Variants in MFSD2B observed in about 807,000 individuals in gnomAD.
MFSD2B encodes the protein MFSD2 lysolipid transporter B, sphingolipid.
In MFSD2B, 56 loss-of-function variants were observed where a neutral mutation model predicts 58.4. That is an observed-to-expected ratio of 0.96 (90% CI 0.77 to 1.20). The LOEUF is 1.20. MFSD2B is among the 50% of genes most tolerant of loss of function. MFSD2B has a pLI of 0.00. For missense variants in MFSD2B, 645 were observed against 667.6 expected, an observed-to-expected ratio of 0.97 and a Z score of 0.37; for synonymous variants, 287 against 294.4, an observed-to-expected ratio of 0.97 and a Z score of 0.26.
At chr2:24,015,027 G>T (rs1179231864) in intron 2 of MFSD2B, among the ~76,000 whole-genome samples, 1 of 152,160 alleles carries the variant, frequency 6.6e-6, no homozygotes, top group Non-Finnish European at 1.5e-5. Flanking sequence ...GCTGAGGCAG[G>T]ATAATTGCTT....
Position 24,025,744 on chromosome 2 carries a change from G to A in MFSD2B, c.*288G>A, listed in dbSNP as rs2150943923. On this transcript the variant is annotated 3_prime_UTR_variant, in exon 14 of 14. Coordinates refer to ENST00000338315, the MANE Select transcript of MFSD2B (RefSeq NM_001346880.2). ...AAGCTCCTGCCCAACCTGGCTTGTG[G>A]ACCAGTAATATCTGTGGCCTACCAC... 1 of 415,334 alleles carries A rather than the reference G, an allele frequency of 2.4e-6. No homozygotes were observed. The highest frequency in any genetic ancestry group is 4.3e-6 in the Non-Finnish European group (1 of 230,328). 25.7% of individuals were successfully genotyped at this position (415,334 alleles called of 1,614,324 possible). A position where few individuals can be genotyped will look rare whatever the true frequency, so the allele number is the denominator to read the frequency against.
At chr2:24,019,953 C>T (rs1286593891) in intron 6 of MFSD2B, among the ~76,000 whole-genome samples, 1 of 152,212 alleles carries the variant, frequency 6.6e-6, no homozygotes, top group Non-Finnish European at 1.5e-5. Context: ...ATCTGCGCCC[C>T]CATTCAGGCC....
Position 24,023,401 on chromosome 2 carries a change from C to CG in MFSD2B, c.1169+168dup. 1 of 860,882 alleles carries CG rather than the reference C, an allele frequency of 1.2e-6. No individual in the cohort carries two copies. The highest frequency in any genetic ancestry group is 1.8e-6 in the Non-Finnish European group (1 of 555,900). 53.3% of individuals were successfully genotyped at this position (860,882 alleles called of 1,614,324 possible). A position where few individuals can be genotyped will look rare whatever the true frequency, so the allele number is the denominator to read the frequency against. ...AGAGGACATCAGGCAGTAGGAATGGCGGGGGGCCGGCAGGGGGCTGGCGGG... is the reference window on the plus strand; with the variant it reads ...AGAGGACATCAGGCAGTAGGAATGGCGGGGGGGCCGGCAGGGGGCTGGCGGG... On this transcript the variant is annotated intron_variant, in intron 11 of 13. Transcript: ENST00000338315. The surrounding 1 kb of genome is among the most constrained non-coding windows in gnomAD (Gnocchi z 5.0).
Position 24,017,303 on chromosome 2 carries a change from C to A in MFSD2B, c.489C>A (p.Tyr163Ter). The A allele has an allele frequency of 6.2e-7, 1 of 1,603,724 alleles. No homozygotes were observed. Among genetic ancestry groups the A allele is most frequent in the Non-Finnish European group, 8.5e-7 (1 of 1,175,730 alleles). ...QALATFFQVP[Y>*]TALTMLLTPC... ...CGCCCCAGTTCTTCCAGGTGCCCTA[C>A]ACAGCGCTCACCATGCTGCTGACTC... The change falls in exon 5 of 14, where the codon TAC becomes TAA. Residue 163 changes from tyrosine (Y) to a stop codon, truncating the protein, a stop_gained. Transcript: ENST00000338315. LOFTEE classifies it high-confidence loss of function. This position sits in a 1 kb window ranked among gnomAD's most constrained non-coding sequence, Gnocchi z 4.8.
In MFSD2B at chr2:24,021,633, T is replaced by C. The variant is rs775525362; in HGVS notation, c.682-15T>C. ...TTGAAGACATCACCCATCCCAGTCC[T>C]GTCCTGTCCCACAGGCCCATCTCTA... On this transcript the variant is annotated splice_polypyrimidine_tract_variant and intron_variant, in intron 6 of 13. Transcript: ENST00000338315. The surrounding 1 kb of genome is among the most constrained non-coding windows in gnomAD (Gnocchi z 5.7). 2 of 1,607,288 alleles carry C rather than the reference T, an allele frequency of 1.2e-6. No individual in the cohort carries two copies. Among genetic ancestry groups the C allele is most frequent in the South Asian group, 1.1e-5 (1 of 89,742 alleles).
chr2:24,018,906 A>G (rs1456447035), intron 6 of MFSD2B, among the ~76,000 whole-genome samples: 1 of 141,540 alleles, frequency 7.1e-6, no homozygotes, highest in Admixed American at 7.9e-5. Flanking sequence ...GCTGGAGTGC[A>G]GGGGCGCAAT....
In MFSD2B at chr2:24,017,689, C is replaced by G; in HGVS notation, c.681+101C>G. Reference sequence around the variant, plus strand: ...TCTCCCGTCCACACCACTTTGTTGTCTTTTAGGGGGCTCACTGTGCCCCCT... The same window carrying G: ...TCTCCCGTCCACACCACTTTGTTGTGTTTTAGGGGGCTCACTGTGCCCCCT... On this transcript the variant is annotated intron_variant, in intron 6 of 13. Coordinates refer to ENST00000338315, the MANE Select transcript of MFSD2B (RefSeq NM_001346880.2). The surrounding 1 kb of genome is among the most constrained non-coding windows in gnomAD (Gnocchi z 4.8). 7.7e-7 allele frequency: 1 copy of G among 1,293,898 alleles called. No individual in the cohort carries two copies. The highest frequency in any genetic ancestry group is 1.0e-6 in the Non-Finnish European group (1 of 955,770). 80.2% of individuals were successfully genotyped at this position (1,293,898 alleles called of 1,614,324 possible).
chr2:24,016,106 TCTG>T (rs771970713), intron 2 of MFSD2B, 47 bp from the exon 3 acceptor site: 13 of 1,607,896 alleles, frequency 8.1e-6, no homozygotes, highest in Non-Finnish European at 8.5e-6. Context: ...GGATGGGCTC[TCTG>T]CTGCTGCTGG....
chr2:24,016,158 C>A lies in MFSD2B; in HGVS notation c.225C>A (p.Ile75=). The stretch of plus-strand genomic sequence containing the variant: ...ATCCCCTCCCCTGTCTGTTTCAGAT[C>A]CCTGCCGCCCAGGTGTCACTTGTTC... ...LQLFLLDIAQ[I]PAAQVSLVLF... The change falls in exon 3 of 14, where the codon ATC becomes ATA. Residue 75 remains isoleucine (I), a splice_region_variant and synonymous_variant. Transcript: ENST00000338315. The A allele has an allele frequency of 1.2e-6, 2 of 1,613,422 alleles. No individual in the cohort carries two copies. The highest frequency in any genetic ancestry group is 1.7e-6 in the Non-Finnish European group (2 of 1,179,830).
At chr2:24,016,378 G>A (rs768376285) in intron 3 of MFSD2B, 98 bp downstream of exon 3, 26 of 1,348,916 alleles carry the variant, frequency 1.9e-5, no homozygotes, top group Non-Finnish European at 2.6e-5. Context: ...CCCACTGGGT[G>A]GTTAGGAGAC....
At position 24,021,851 on chromosome 2, in the gene MFSD2B, C is replaced by T. The variant is rs112498523; in HGVS notation, c.775C>T (p.Pro259Ser). The T allele has an allele frequency of 2.5e-3, 4,078 of 1,613,884 alleles. 78 individuals carry two copies. The African/African-American group carries it at 0.04, about 16-fold the overall frequency. ...LCLGVKERPD[P>S]SAPASGPGLS... Reference sequence around the variant, plus strand: ...GGTGACACGCTTCTGCGTTGCAGACCCCTCTGCCCCAGCCTCAGGCCCAGG... The same window carrying T: ...GGTGACACGCTTCTGCGTTGCAGACTCCTCTGCCCCAGCCTCAGGCCCAGG... Residue 259 changes from proline to serine, a missense_variant and splice_region_variant, in exon 8 of 14, where the codon CCC (proline) becomes TCC (serine). By Grantham distance (74) the Pro-to-Ser change is moderately conservative. Transcript: ENST00000338315. The surrounding 1 kb of genome is among the most constrained non-coding windows in gnomAD (Gnocchi z 5.7).
intron 2 of MFSD2B, among the ~76,000 whole-genome samples, chr2:24,013,917 C>A (rs1709046522): frequency 6.7e-6 from 1 of 148,906 alleles, no homozygotes; most frequent in African/African-American, 2.5e-5. Flanking sequence ...TTGGGGCTCA[C>A]TGCAACCTCT....
chr2:24,019,178 G>T (rs1366830272), intron 6 of MFSD2B, among the ~76,000 whole-genome samples: 1 of 152,070 alleles, frequency 6.6e-6, no homozygotes, highest in African/African-American at 2.4e-5. Flanking sequence ...TAATATTTCA[G>T]ATTTACACAA....
chr2:24,011,586 C>T (rs964594593), intron 1 of MFSD2B, among the ~76,000 whole-genome samples: 1 of 152,186 alleles, frequency 6.6e-6, no homozygotes, highest in African/African-American at 2.4e-5. Flanking sequence ...TCTCCACTCC[C>T]TCCAGCCCCC....
In MFSD2B at chr2:24,022,776, G is replaced by A. The variant is rs759142774; in HGVS notation, c.979-46G>A. 2 of 1,420,246 alleles carry A rather than the reference G, an allele frequency of 1.4e-6. No homozygotes were observed. The highest frequency in any genetic ancestry group is 4.8e-5 in the East Asian group (2 of 41,328). 88.0% of individuals were successfully genotyped at this position (1,420,246 alleles called of 1,614,324 possible). A position where few individuals can be genotyped will look rare whatever the true frequency, so the allele number is the denominator to read the frequency against. Reference sequence around the variant, plus strand: ...CCAAGGCCTTGGGGTCCCAGGCAAAGGCGCTGGCAGCACGGCCCTGGCGTG... The same window carrying A: ...CCAAGGCCTTGGGGTCCCAGGCAAAAGCGCTGGCAGCACGGCCCTGGCGTG... On this transcript the variant is annotated intron_variant, in intron 9 of 13. Transcript: ENST00000338315. The surrounding 1 kb of genome is among the most constrained non-coding windows in gnomAD (Gnocchi z 4.5).
rs537371110 is a variant in MFSD2B at position 24,024,101 on chromosome 2, G to A, written c.1320G>A (p.Ser440=). The change falls in exon 13 of 14, where the codon TCG becomes TCA. Residue 440 remains serine (S), a synonymous_variant. Coordinates refer to ENST00000338315, the MANE Select transcript of MFSD2B (RefSeq NM_001346880.2). The surrounding 1 kb of genome is among the most constrained non-coding windows in gnomAD (Gnocchi z 4.3). ...LGISTLSLEF[S]GYKAGVCKQA... Reference sequence around the variant, plus strand: ...CTGGCTGATGTTTCTCCAGGTTCTCGGGGTATAAGGCAGGGGTCTGCAAGC... The same window carrying A: ...CTGGCTGATGTTTCTCCAGGTTCTCAGGGTATAAGGCAGGGGTCTGCAAGC... 8.7e-5 allele frequency: 141 copies of A among 1,613,640 alleles called. No individual in the cohort carries two copies. Among genetic ancestry groups the A allele is most frequent in the African/African-American group, 8.3e-4 (62 of 75,010 alleles).
Position 24,022,324 on chromosome 2 carries a change from G to C in MFSD2B, c.895-109G>C. 2.3e-6 allele frequency: 2 copies of C among 875,326 alleles called. No individual in the cohort carries two copies. The highest frequency in any genetic ancestry group is 3.7e-6 in the Non-Finnish European group (2 of 537,654). 54.2% of individuals were successfully genotyped at this position (875,326 alleles called of 1,614,324 possible). A position where few individuals can be genotyped will look rare whatever the true frequency, so the allele number is the denominator to read the frequency against. Reference sequence around the variant, plus strand: ...GGGAAGGGACTGTATGATGGTAGCAGCAAGCCAAGGTCCCAATGGAGATGC... The same window carrying C: ...GGGAAGGGACTGTATGATGGTAGCACCAAGCCAAGGTCCCAATGGAGATGC... On this transcript the variant is annotated intron_variant, in intron 8 of 13. Transcript: ENST00000338315. The surrounding 1 kb of genome is among the most constrained non-coding windows in gnomAD (Gnocchi z 4.5).
chr2:24,013,634 C>A lies in MFSD2B; in HGVS notation c.222+224C>A, dbSNP rs192824775. ...ATGTAGATCCCCGACAATATAGAAGCAGTTGGCTAAGTAAGCTGTATCATA... is the reference window on the plus strand; with the variant it reads ...ATGTAGATCCCCGACAATATAGAAGAAGTTGGCTAAGTAAGCTGTATCATA... On this transcript the variant is annotated intron_variant, in intron 2 of 13. Coordinates refer to ENST00000338315, the MANE Select transcript of MFSD2B (RefSeq NM_001346880.2). 1.5e-3 allele frequency among the ~76,000 whole-genome samples: 228 copies of A among 152,252 alleles called. 1 individual carries two copies. Among genetic ancestry groups the A allele is most frequent in the Middle Eastern group, 0.014 (4 of 294 alleles).
Position 24,021,247 on chromosome 2 carries a change from C to T in MFSD2B, c.682-401C>T, listed in dbSNP as rs1395035323. Reference sequence around the variant, plus strand: ...ACCATGCATCTCACCGTGCTGTAACCACCTGCTCCTGGATCTGTCTTCCTC... The same window carrying T: ...ACCATGCATCTCACCGTGCTGTAACTACCTGCTCCTGGATCTGTCTTCCTC... On this transcript the variant is annotated intron_variant, in intron 6 of 13. Transcript: ENST00000338315. The surrounding 1 kb of genome is among the most constrained non-coding windows in gnomAD (Gnocchi z 5.7). Among the ~76,000 whole-genome samples, 1 of 152,196 alleles carries T rather than the reference C, an allele frequency of 6.6e-6. No homozygotes were observed. Among genetic ancestry groups the T allele is most frequent in the African/African-American group, 2.4e-5 (1 of 41,448 alleles).
Sources: allele counts gnomAD v4.1 joint callset (sites outside exome capture counted in the v4.1 genomes callset), GRCh38; gene constraint gnomAD v4.1.1; non-coding constraint Gnocchi (gnomAD v3.1); transcripts MANE v1.5; gene names NCBI Gene and HGNC (gene_info 2026-07-23, HGNC 2026-07-21).